The following PGAP1 variants were observed in gnomAD, a reference collection of about 807,000 sequenced individuals.
The protein encoded by PGAP1 is post-GPI attachment to proteins inositol deacylase 1.
Under a neutral mutation model 127.0 loss-of-function variants are expected in PGAP1, and 76 were observed. The ratio of observed to expected loss-of-function variants is 0.60; its 90% confidence interval spans 0.50 to 0.72. The LOEUF is 0.72. Among genes scored for constraint, PGAP1 ranks in the 30% least tolerant of loss-of-function variants. The probability of loss-of-function intolerance (pLI) is 0.00; values close to 1 mark genes in which losing one functional copy is unlikely to be tolerated. For synonymous variants in PGAP1, 362 were observed against 366.5 expected, an observed-to-expected ratio of 0.99 and a Z score of 0.14; for missense variants, 982 against 1,071.3, an observed-to-expected ratio of 0.92 and a Z score of 1.16.
At chr2:196,872,386 A>T (rs546319460) in intron 18 of PGAP1, 55 bp downstream of exon 18, 6 of 1,253,820 alleles carry the variant, frequency 4.8e-6, no homozygotes, top group African/African-American at 3.0e-5. Flanking sequence ...TAAAAAGAAC[A>T]TTTCTAGCTT....
intron 14 of PGAP1, among the ~76,000 whole-genome samples, chr2:196,874,571 C>G (rs1336101700): frequency 6.6e-6 from 1 of 152,162 alleles, no homozygotes; most frequent in Admixed American, 6.5e-5. Context: ...GCAGAGAAAT[C>G]TAGCAGGCAC....
chr2:196,913,863 CTGTT>C (rs1219816498), intron 3 of PGAP1, among the ~76,000 whole-genome samples: 2 of 152,314 alleles, frequency 1.3e-5, no homozygotes, highest in East Asian at 1.9e-4. Context: ...AGTGCCTAAA[CTGTT>C]TGTGCAAACA....
intron 13 of PGAP1, among the ~76,000 whole-genome samples, chr2:196,879,202 T>C (rs146908760): frequency 7.4e-4 from 113 of 152,322 alleles, no homozygotes; most frequent in Non-Finnish European, 1.3e-3. Context: ...ACTTCCCAAG[T>C]AGCTGGGATT....
chr2:196,844,974 T>G (rs1490135324), intron 23 of PGAP1, among the ~76,000 whole-genome samples: 2 of 152,080 alleles, frequency 1.3e-5, no homozygotes, highest in African/African-American at 4.8e-5. Context: ...ATATAACACA[T>G]TTCACATATT....
chr2:196,872,298 G>A lies in PGAP1; in HGVS notation c.1728+143C>T, dbSNP rs1576130388. ...CTAAGGTGGTGTTAATAGGAAAAAT[G>A]AAGAATATTTAAAATATTTTAAATG... On this transcript the variant is annotated intron_variant, in intron 18 of 26. Transcript: ENST00000354764. 2.8e-5 allele frequency: 16 copies of A among 567,250 alleles called. No individual in the cohort carries two copies. In the South Asian group the frequency reaches 4.3e-4, roughly 15 times the overall value. The allele number at this position is 567,250 out of a possible 1,614,324, so 35.1% of individuals were successfully genotyped here.
In PGAP1 at chr2:196,838,527, A is replaced by G. The variant is rs750337488; in HGVS notation, c.*2707T>C. 4 of 152,174 alleles carry G rather than the reference A, an allele frequency of 2.6e-5. No individual in the cohort carries two copies. Among genetic ancestry groups the G allele is most frequent in the Non-Finnish European group, 5.9e-5 (4 of 68,034 alleles). 9.4% of individuals were successfully genotyped at this position (152,174 alleles called of 1,614,324 possible). ...TAAAGTGCATCAAGACTCAATGAAG[A>G]CCCTGTCAAAATGTAAGTGTATACA... On this transcript the variant is annotated 3_prime_UTR_variant, in exon 27 of 27. Transcript: ENST00000354764.
At chr2:196,877,230 C>CA (rs982911963) in intron 13 of PGAP1, among the ~76,000 whole-genome samples, 3 of 151,792 alleles carry the variant, frequency 2.0e-5, no homozygotes, top group Admixed American at 1.3e-4. Flanking sequence ...TTTTCTGTTA[C>CA]AAAAAAATGC....
intron 10 of PGAP1, among the ~76,000 whole-genome samples, chr2:196,887,631 T>C (rs563949125): frequency 6.6e-6 from 1 of 152,302 alleles, no homozygotes; most frequent in South Asian, 2.1e-4. Context: ...ATAAAGTCCA[T>C]TCTATGGCCA....
At chr2:196,894,376 T>C (rs548237214) in intron 7 of PGAP1, among the ~76,000 whole-genome samples, 25 of 151,992 alleles carry the variant, frequency 1.6e-4, no homozygotes, top group Non-Finnish European at 2.9e-4. Flanking sequence ...GTCAGTAGAG[T>C]GGAGGACAGT....
rs1702127048 is a variant in PGAP1, at chr2:196,892,345, C to T, written c.1089+1G>A. ...AAAAAATCCATTGGTGGAATACTTA[C>T]GTTGTAAGCTACATAGGTCCATTTG... is the stretch of plus-strand genomic sequence containing the variant. On this transcript the variant is annotated splice_donor_variant, in intron 9 of 26. Transcript: ENST00000354764. LOFTEE classifies it high-confidence loss of function. 2.1e-6 allele frequency: 3 copies of T among 1,396,564 alleles called. No individual in the cohort carries two copies. Among genetic ancestry groups the T allele is most frequent in the Non-Finnish European group, 3.0e-6 (3 of 1,011,810 alleles). 86.5% of individuals were successfully genotyped at this position (1,396,564 alleles called of 1,614,324 possible). A position where few individuals can be genotyped will look rare whatever the true frequency, so the allele number is the denominator to read the frequency against.
At chr2:196,845,823 C>G in intron 23 of PGAP1, 59 bp downstream of exon 23, 7 of 1,444,026 alleles carry the variant, frequency 4.8e-6, no homozygotes, top group Non-Finnish European at 6.5e-6. Context: ...TACGGAACAT[C>G]CTACATGTAT....
chr2:196,841,005 T>A lies in PGAP1; in HGVS notation c.*229A>T. On this transcript the variant is annotated 3_prime_UTR_variant, in exon 27 of 27. Coordinates refer to ENST00000354764, the MANE Select transcript of PGAP1 (RefSeq NM_024989.4). The stretch of plus-strand genomic sequence containing the variant: ...ATGATAGTGATCACCATATATCCCT[T>A]CATGAATTTTTCAAAAATGATTACT... 1 of 462,528 alleles carries A rather than the reference T, an allele frequency of 2.2e-6. No homozygotes were observed. The allele number at this position is 462,528 out of a possible 1,614,324, so 28.7% of individuals were successfully genotyped here.
In PGAP1 at chr2:196,902,714, C is replaced by T. The variant is rs1170485056; in HGVS notation, c.678G>A (p.Trp226Ter). The change falls in exon 5 of 27, where the codon TGG (tryptophan) becomes TGA (stop). Residue 226 changes from tryptophan to a stop codon, truncating the protein, a stop_gained. Transcript: ENST00000354764. LOFTEE classifies it high-confidence loss of function. The part of the protein sequence containing the change: ...TDFYTTVNNY[W>*]ILNARHINLT... ...AATTTATGTGTCGAGCATTTAGAAT[C>T]CAATAGTTGTTTACAGTCGTATAAA... 3.1e-6 allele frequency: 5 copies of T among 1,610,584 alleles called. No homozygotes were observed. The highest frequency in any genetic ancestry group is 4.2e-6 in the Non-Finnish European group (5 of 1,177,962).
chr2:196,866,091 T>C (rs549441846), intron 19 of PGAP1, among the ~76,000 whole-genome samples: 45 of 152,258 alleles, frequency 3.0e-4, no homozygotes, highest in African/African-American at 9.6e-4. Flanking sequence ...CAAGCTACCA[T>C]TGTCTTTCTT....
intron 10 of PGAP1, among the ~76,000 whole-genome samples, chr2:196,887,599 T>C (rs1701957965): frequency 6.6e-6 from 1 of 152,094 alleles, no homozygotes; most frequent in Non-Finnish European, 1.5e-5. Flanking sequence ...AAGAAATCAA[T>C]GCTTTTATTC....
chr2:196,899,812 T>A (rs919082914), intron 5 of PGAP1, among the ~76,000 whole-genome samples: 2 of 152,146 alleles, frequency 1.3e-5, no homozygotes, highest in African/African-American at 4.8e-5. Context: ...GGCGGGTGGA[T>A]CACCTGAGGT....
intron 19 of PGAP1, 48 bp downstream of exon 19, chr2:196,870,893 T>C (rs1701389493): frequency 1.3e-6 from 2 of 1,504,964 alleles, no homozygotes; most frequent in Non-Finnish European, 1.8e-6. Context: ...CTTAGAGTTA[T>C]CTATTCATAA....
chr2:196,851,088 G>A (rs569519660), intron 20 of PGAP1, among the ~76,000 whole-genome samples: 2 of 151,810 alleles, frequency 1.3e-5, no homozygotes, highest in Non-Finnish European at 2.9e-5. Flanking sequence ...AGACCTTACA[G>A]ATAAAGAAAC....
At chr2:196,860,758 A>G (rs1195071145) in intron 20 of PGAP1, among the ~76,000 whole-genome samples, 1 of 152,232 alleles carries the variant, frequency 6.6e-6, no homozygotes, top group African/African-American at 2.4e-5. Flanking sequence ...AACTGTCTAT[A>G]CTACCTCAAG....
Sources: gnomAD v4.1 joint callset for allele counts (sites outside exome capture counted in the v4.1 genomes callset) on GRCh38, gnomAD v4.1.1 for gene constraint, MANE v1.5 for transcripts, NCBI Gene and HGNC (gene_info 2026-07-23, HGNC 2026-07-21) for gene names.